DST: variants seen among roughly 807,000 people sequenced by gnomAD.
The protein encoded by DST is bullous pemphigoid antigen.
DST carries 253 observed loss-of-function variants against 875.2 expected under a neutral mutation model. The ratio of observed to expected loss-of-function variants is 0.29; its 90% CI spans 0.26 to 0.32. DST has a LOEUF of 0.32. DST is among the 10% of genes least tolerant of loss of function. DST has a pLI of 1.00. For missense variants in DST, 8,287 were observed against 9,111.6 expected, an observed-to-expected ratio of 0.91 and a Z score of 3.68; for synonymous variants, 3,124 against 3,197.1, an observed-to-expected ratio of 0.98 and a Z score of 0.77.
intron 88 of DST, among the ~76,000 whole-genome samples, chr6:56,483,342 T>C (rs1424439315): frequency 7.9e-5 from 12 of 152,170 alleles, no homozygotes; most frequent in Non-Finnish European, 2.9e-5. Context: ...CTAAGCAATC[T>C]TGATGTGTGT....
chr6:56,951,032 C>A (rs897410106), intron 2 of DST, among the ~76,000 whole-genome samples: 1 of 152,160 alleles, frequency 6.6e-6, no homozygotes, highest in East Asian at 1.9e-4. Context: ...CCAAAGCAAA[C>A]TGAGTCCTGG....
In DST at chr6:56,835,516, AAAT is replaced by A. The variant is rs1314529206; in HGVS notation, c.625+15878_625+15880del. Reference sequence around the variant, plus strand: ...GCTATAAACCTAAAACTGCTCTAAAAAATAATGTGTGCATTTTTTAAAAGACTA... The same window carrying A: ...GCTATAAACCTAAAACTGCTCTAAAAAATGTGTGCATTTTTTAAAAGACTA... On this transcript the variant is annotated intron_variant, in intron 4 of 103. Transcript: ENST00000680361. Among the ~76,000 whole-genome samples, 8 of 152,204 alleles carry A rather than the reference AAAT, an allele frequency of 5.3e-5. No individual in the cohort carries two copies. The East Asian group carries it at 1.5e-3, about 29-fold the overall frequency.
chr6:56,775,705 A>G (rs1466655991), intron 4 of DST, among the ~76,000 whole-genome samples: 1 of 152,260 alleles, frequency 6.6e-6, no homozygotes, highest in Non-Finnish European at 1.5e-5. Flanking sequence ...GAAAGCACAC[A>G]GGAGCAAACC....
chr6:56,849,759 TA>T (rs1300069546), intron 4 of DST, among the ~76,000 whole-genome samples: 1 of 152,166 alleles, frequency 6.6e-6, no homozygotes, highest in Non-Finnish European at 1.5e-5. Flanking sequence ...CTTTCTGTCA[TA>T]ACTCCCTCCT....
At chr6:56,724,454 A>G (rs2099437666) in intron 5 of DST, among the ~76,000 whole-genome samples, 2 of 152,192 alleles carry the variant, frequency 1.3e-5, no homozygotes, top group Non-Finnish European at 2.9e-5. Flanking sequence ...AATAACAATA[A>G]CACGGGAAGG....
Position 56,584,535 on chromosome 6 carries a change from G to A in DST, c.12904-5598C>T, listed in dbSNP as rs188986090. On this transcript the variant is annotated intron_variant, in intron 49 of 103. Coordinates refer to ENST00000680361, the MANE Select transcript of DST (RefSeq NM_001374736.1). ...TTCTAGATATACAATCATGTTGCCTGCAAACAGGGACAATTTGACTTCCTC... is the reference window on the plus strand; with the variant it reads ...TTCTAGATATACAATCATGTTGCCTACAAACAGGGACAATTTGACTTCCTC... 2.0e-5 allele frequency among the ~76,000 whole-genome samples: 3 copies of A among 149,906 alleles called. No individual in the cohort carries two copies. The East Asian group carries it at 5.8e-4, about 29-fold the overall frequency.
At chr6:56,651,392 A>T (rs1237324047) in intron 10 of DST, 148 bp from the exon 11 acceptor site, 3 of 548,794 alleles carry the variant, frequency 5.5e-6, no homozygotes, top group Non-Finnish European at 9.7e-6. Context: ...CAAACATTTA[A>T]CATTGCTCAC....
At chr6:56,740,268 C>T (rs1296612868) in intron 4 of DST, among the ~76,000 whole-genome samples, 2 of 152,158 alleles carry the variant, frequency 1.3e-5, no homozygotes, top group Non-Finnish European at 2.9e-5. Flanking sequence ...TGAATCTGGA[C>T]CCCTGTCCTG....
chr6:56,593,638 C>T (rs1396516849), intron 48 of DST, 25 bp downstream of exon 48: 1 of 1,455,144 alleles, frequency 6.9e-7, no homozygotes, highest in Non-Finnish European at 9.1e-7. Flanking sequence ...TTGACTTTTC[C>T]CTTAAAAAAT....
chr6:56,522,085 G>A (rs2096718373), intron 69 of DST, among the ~76,000 whole-genome samples: 1 of 152,084 alleles, frequency 6.6e-6, no homozygotes, highest in South Asian at 2.1e-4. Context: ...CTAAAAGTTA[G>A]TGCAAGACAT....
At chr6:56,599,903 T>A (rs1759089971) in intron 45 of DST, among the ~76,000 whole-genome samples, 166 bp downstream of exon 45, 1 of 152,146 alleles carries the variant, frequency 6.6e-6, no homozygotes, top group Admixed American at 6.6e-5. Flanking sequence ...GTTGGAAATC[T>A]AACTTTTAGT....
intron 5 of DST, among the ~76,000 whole-genome samples, chr6:56,711,725 C>A (rs1446277010): frequency 1.3e-5 from 2 of 152,136 alleles, no homozygotes; most frequent in African/African-American, 4.8e-5. Flanking sequence ...CTTGTAAAGG[C>A]ATCAGCATTA....
intron 9 of DST, chr6:56,692,502 T>C: frequency 7.8e-7 from 1 of 1,289,790 alleles, no homozygotes; most frequent in Non-Finnish European, 1.0e-6. Flanking sequence ...TCTCAGTGTT[T>C]TGCTTTTCTT....
intron 36 of DST, chr6:56,615,127 C>T (rs958174757): frequency 2.3e-5 from 24 of 1,048,568 alleles, no homozygotes; most frequent in Non-Finnish European, 2.8e-5. Context: ...TTCCATGGTG[C>T]TTCATGACGT....
In DST at chr6:56,471,109, A is replaced by T. The variant is rs2152396817; in HGVS notation, c.22318T>A (p.Ser7440Thr). 3 of 1,611,138 alleles carry T rather than the reference A, an allele frequency of 1.9e-6. No homozygotes were observed. The highest frequency in any genetic ancestry group is 2.5e-6 in the Non-Finnish European group (3 of 1,178,546). Residue 7440 changes from serine to threonine, a missense_variant, in exon 95 of 104, where the codon TCA becomes ACA. Physicochemically the swap from Ser to Thr is moderately conservative, Grantham distance 58 (BLOSUM62 1). This residue lies in a region of DST where 87 missense variants were observed against 209.7 expected (regional missense o/e 0.41). Coordinates refer to ENST00000680361, the MANE Select transcript of DST (RefSeq NM_001374736.1). ...AGTCATCTGTCTTGGAACTTACTTGAGGAAAGAATTCCATCAATAAATTCC... is the reference window on the plus strand; with the variant it reads ...AGTCATCTGTCTTGGAACTTACTTGTGGAAAGAATTCCATCAATAAATTCC... ...RQEFIDGILSSKFPTSRLEMS... is the reference protein window; with the variant it reads ...RQEFIDGILSTKFPTSRLEMS...
intron 4 of DST, among the ~76,000 whole-genome samples, chr6:56,779,545 T>G (rs926574275): frequency 6.6e-6 from 1 of 152,036 alleles, no homozygotes; most frequent in Admixed American, 6.5e-5. Context: ...TTAATCCATC[T>G]TGAATTAATT....
At chr6:56,845,761 C>T (rs1253749116) in intron 4 of DST, among the ~76,000 whole-genome samples, 1 of 152,176 alleles carries the variant, frequency 6.6e-6, no homozygotes, top group African/African-American at 2.4e-5. Flanking sequence ...CAGAGACTGA[C>T]ACCCAGTAGC....
chr6:56,944,048 C>G (rs1034918742), intron 2 of DST, among the ~76,000 whole-genome samples: 2 of 152,026 alleles, frequency 1.3e-5, no homozygotes, highest in Non-Finnish European at 2.9e-5. Context: ...ACCCAGGAGG[C>G]AGAGGTTGCA....
chr6:56,479,117 A>G (rs2152415766), intron 90 of DST, among the ~76,000 whole-genome samples: 1 of 152,322 alleles, frequency 6.6e-6, no homozygotes, highest in South Asian at 2.1e-4. Flanking sequence ...AAACACATGA[A>G]CAGACATTTC....
Sources: allele counts gnomAD v4.1 joint callset (sites outside exome capture counted in the v4.1 genomes callset), GRCh38; gene constraint gnomAD v4.1.1; regional missense constraint gnomAD v4.1.1; transcripts MANE v1.5; gene names NCBI Gene and HGNC (gene_info 2026-07-23, HGNC 2026-07-21).